The following MTUS1 variants were observed in gnomAD, a reference collection of about 807,000 sequenced individuals.
The protein encoded by MTUS1 is microtubule-associated tumor suppressor 1.
In MTUS1, 109 loss-of-function variants were observed where a neutral mutation model predicts 120.8. The observed-to-expected ratio is 0.90, with a 90% CI of 0.77 to 1.06. The LOEUF (loss-of-function observed/expected upper bound fraction) is 1.06. MTUS1 is among the 50% of genes least tolerant of loss of function. The probability of loss-of-function intolerance (pLI) is 0.00; values close to 1 mark genes in which losing one functional copy is unlikely to be tolerated. For synonymous variants in MTUS1, 737 were observed against 550.5 expected, an observed-to-expected ratio of 1.34 and a Z score of -4.74; for missense variants, 2,210 against 1,486.3, an observed-to-expected ratio of 1.49 and a Z score of -8.01.
At chr8:17,748,273 A>G (rs1041736482) in intron 2 of MTUS1, 2 of 150,296 alleles carry the variant, frequency 1.3e-5, no homozygotes, top group African/African-American at 4.9e-5. Context: ...AGATGGCCAG[A>G]CTTTAGGGAA....
At chr8:17,780,594 C>A (rs529478421) in intron 1 of MTUS1, among the ~76,000 whole-genome samples, 1 of 152,148 alleles carries the variant, frequency 6.6e-6, no homozygotes, top group Non-Finnish European at 1.5e-5. Flanking sequence ...GTAGCAACTC[C>A]GACAGGCACT....
At chr8:17,778,144 TTA>T (rs1287253808) in intron 1 of MTUS1, among the ~76,000 whole-genome samples, 1 of 152,100 alleles carries the variant, frequency 6.6e-6, no homozygotes, top group African/African-American at 2.4e-5. Flanking sequence ...CACGGGTAGA[TTA>T]TTTTTTTTTA....
At chr8:17,664,870 T>G (rs557487038) in intron 8 of MTUS1, among the ~76,000 whole-genome samples, 112 of 152,192 alleles carry the variant, frequency 7.4e-4, no homozygotes, top group African/African-American at 2.5e-3. Context: ...AAGAAGTCAT[T>G]TTTAAACATC....
At chr8:17,709,631 T>C (rs967870264) in intron 6 of MTUS1, among the ~76,000 whole-genome samples, 7 of 152,058 alleles carry the variant, frequency 4.6e-5, no homozygotes, top group African/African-American at 9.7e-5. Context: ...ATCACAAAAA[T>C]TGTCTGGTTT....
chr8:17,699,087 A>C (rs1278615995), intron 6 of MTUS1, among the ~76,000 whole-genome samples: 3 of 152,210 alleles, frequency 2.0e-5, no homozygotes, highest in African/African-American at 7.2e-5. Flanking sequence ...ACAGAAGAAC[A>C]GAGTCAAATT....
At chr8:17,731,255 T>A (rs1007457966) in intron 3 of MTUS1, among the ~76,000 whole-genome samples, 16 of 152,164 alleles carry the variant, frequency 1.1e-4, no homozygotes, top group Admixed American at 1.3e-4. Flanking sequence ...GTTGACAATC[T>A]CGAGGTAGAT....
At chr8:17,762,488 A>G (rs1441253415) in intron 1 of MTUS1, among the ~76,000 whole-genome samples, 2 of 152,094 alleles carry the variant, frequency 1.3e-5, no homozygotes, top group Non-Finnish European at 2.9e-5. Flanking sequence ...CCTTTCATCA[A>G]ACTTAATAGC....
At chr8:17,796,869 T>C (rs969130513) in intron 1 of MTUS1, among the ~76,000 whole-genome samples, 22 of 152,100 alleles carry the variant, frequency 1.4e-4, no homozygotes, top group African/African-American at 4.8e-4. Flanking sequence ...ATCCCAGCAT[T>C]TGGGAGGCTG....
chr8:17,720,066 C>T (rs919243337), intron 4 of MTUS1, among the ~76,000 whole-genome samples: 2 of 152,064 alleles, frequency 1.3e-5, no homozygotes, highest in East Asian at 1.9e-4. Context: ...ACGGTGGGAC[C>T]GGGCGTGGTG....
chr8:17,695,761 A>C (rs1448382397), intron 6 of MTUS1, among the ~76,000 whole-genome samples: 3 of 152,206 alleles, frequency 2.0e-5, no homozygotes, highest in African/African-American at 7.2e-5. Flanking sequence ...ATTAACTTTA[A>C]AAAGGTATAG....
chr8:17,692,763 CTATT>C (rs1400184315), intron 6 of MTUS1, among the ~76,000 whole-genome samples: 1 of 152,090 alleles, frequency 6.6e-6, no homozygotes, highest in Non-Finnish European at 1.5e-5. Context: ...GTACAATAAA[CTATT>C]TATTGTACAA....
At chr8:17,789,764 G>A (rs2051616650) in intron 1 of MTUS1, among the ~76,000 whole-genome samples, 1 of 152,142 alleles carries the variant, frequency 6.6e-6, no homozygotes, top group African/African-American at 2.4e-5. Context: ...ACTCACAGCA[G>A]CAGCCCAACG....
At chr8:17,750,544 A>G (rs368032042) in intron 2 of MTUS1, among the ~76,000 whole-genome samples, 92 of 152,362 alleles carry the variant, frequency 6.0e-4, no homozygotes, top group South Asian at 2.3e-3. Flanking sequence ...CCAGGATTCA[A>G]GTGAGGGCTC....
chr8:17,708,887 C>G (rs1458433178), intron 6 of MTUS1: 3 of 152,220 alleles, frequency 2.0e-5, no homozygotes, highest in African/African-American at 7.2e-5. Context: ...CCTGTAATCC[C>G]AGCACTTTCG....
At chr8:17,706,301 C>T (rs528322280) in intron 6 of MTUS1, 10 of 152,200 alleles carry the variant, frequency 6.6e-5, no homozygotes, top group African/African-American at 1.4e-4. Flanking sequence ...TGTCTCCAAA[C>T]GAGAAATTTG....
intron 4 of MTUS1, chr8:17,721,764 T>A: frequency 6.2e-7 from 1 of 1,614,030 alleles, no homozygotes; most frequent in Non-Finnish European, 8.5e-7. Context: ...GGCTGTACGA[T>A]CCCACGACCA....
chr8:17,772,014 T>C (rs1189743368), intron 1 of MTUS1, among the ~76,000 whole-genome samples: 1 of 152,220 alleles, frequency 6.6e-6, no homozygotes, highest in East Asian at 1.9e-4. Flanking sequence ...TGCAGGGTAG[T>C]GGCCTGGATG....
rs9644596 is a variant in MTUS1 at position 17,773,415 on chromosome 8, G to A, written c.-154-17454C>T. On this transcript the variant is annotated intron_variant, in intron 1 of 14. Coordinates refer to ENST00000693296, the MANE Select transcript of MTUS1 (RefSeq NM_001363059.2). ...TATATCAATGGCTTTCCTACATAAA[G>A]GCAAATCTAGGGTAAGATACCTCAC... Among the ~76,000 whole-genome samples the A allele has an allele frequency of 2.6e-5, 4 of 152,180 alleles. No homozygotes were observed. In the East Asian group the frequency reaches 5.8e-4, roughly 22 times the overall value.
At position 17,755,763 on chromosome 8, in the gene MTUS1, T is replaced by C; in HGVS notation, c.45A>G (p.Gln15=). ...CATCTTTATCACTGGTAAAGAAGGT[T>C]TGCAATTCATCTTCTATTTTATCAT... ...NSDDKIEDEL[Q]TFFTSDKDGN... Residue 15 remains glutamine, a synonymous_variant, in exon 2 of 15, where the codon CAA becomes CAG. Coordinates refer to ENST00000693296, the MANE Select transcript of MTUS1 (RefSeq NM_001363059.2). 1.9e-6 allele frequency: 3 copies of C among 1,613,856 alleles called. No individual in the cohort carries two copies. The highest frequency in any genetic ancestry group is 2.5e-6 in the Non-Finnish European group (3 of 1,179,884).
Sources: gnomAD v4.1 joint callset for allele counts (sites outside exome capture counted in the v4.1 genomes callset) on GRCh38, gnomAD v4.1.1 for gene constraint, MANE v1.5 for transcripts, NCBI Gene and HGNC (gene_info 2026-07-23, HGNC 2026-07-21) for gene names.